Variants in PEBP4 observed in about 807,000 individuals in gnomAD.
PEBP4 encodes the protein phosphatidylethanolamine-binding protein 4.
PEBP4 carries 22 observed loss-of-function variants against 23.9 expected under a neutral mutation model. The ratio of observed to expected loss-of-function variants is 0.92; its 90% confidence interval spans 0.66 to 1.31. The LOEUF is 1.31. Ranked by LOEUF, PEBP4 falls within the 40% of genes most tolerant of loss-of-function variation. The pLI is 0.00. For synonymous variants in PEBP4, 112 were observed against 99.3 expected, an observed-to-expected ratio of 1.13 and a Z score of -0.76; for missense variants, 324 against 281.7, an observed-to-expected ratio of 1.15 and a Z score of -1.07.
intron 3 of PEBP4, among the ~76,000 whole-genome samples, chr8:22,867,497 G>A (rs1585314682): frequency 6.6e-6 from 1 of 152,146 alleles, no homozygotes. Flanking sequence ...TCAGGTTGCG[G>A]AAGGCAGGTC....
intron 4 of PEBP4, among the ~76,000 whole-genome samples, chr8:22,737,294 CAAAA>C (rs11302571): frequency 1.5e-5 from 1 of 65,496 alleles, no homozygotes; most frequent in Non-Finnish European, 3.2e-5. Flanking sequence ...GACTCCGTCT[CAAAA>C]AAAAAAAAAA....
chr8:22,765,825 T>A (rs1459753537), intron 4 of PEBP4, among the ~76,000 whole-genome samples: 2 of 98,926 alleles, frequency 2.0e-5, no homozygotes, highest in Non-Finnish European at 4.3e-5. Flanking sequence ...GATCACCACC[T>A]GTGGATCACC....
intron 3 of PEBP4, among the ~76,000 whole-genome samples, chr8:22,840,248 C>T (rs925090349): frequency 3.3e-5 from 5 of 152,114 alleles, no homozygotes; most frequent in African/African-American, 1.2e-4. Flanking sequence ...GCATCGTGGC[C>T]TAGATTTTCC....
intron 4 of PEBP4, among the ~76,000 whole-genome samples, chr8:22,779,753 G>A (rs142237826): frequency 3.3e-5 from 5 of 152,340 alleles, no homozygotes; most frequent in African/African-American, 1.2e-4. Flanking sequence ...GAGACACTCA[G>A]CAGGGCTTCG....
chr8:22,743,933 C>G (rs756654811), intron 4 of PEBP4, among the ~76,000 whole-genome samples: 1 of 152,170 alleles, frequency 6.6e-6, no homozygotes, highest in East Asian at 1.9e-4. Flanking sequence ...CCTGCTCACT[C>G]GGGGACCAGC....
chr8:22,917,487 C>T (rs747515927), intron 3 of PEBP4, among the ~76,000 whole-genome samples: 7 of 152,170 alleles, frequency 4.6e-5, no homozygotes, highest in Non-Finnish European at 8.8e-5. Context: ...TGTGCCAGCG[C>T]CCCCTGGTGT....
intron 3 of PEBP4, among the ~76,000 whole-genome samples, chr8:22,845,312 T>C (rs1294620641): frequency 6.7e-6 from 1 of 148,984 alleles, no homozygotes; most frequent in Non-Finnish European, 1.5e-5. Flanking sequence ...GGCAGGAGGA[T>C]CACTTGAGCC....
At chr8:22,858,731 GA>G (rs1807707116) in intron 3 of PEBP4, among the ~76,000 whole-genome samples, 1 of 152,192 alleles carries the variant, frequency 6.6e-6, no homozygotes. Flanking sequence ...TGGATCACTT[GA>G]GGCCAGGAGT....
At chr8:22,895,097 TGTATA>T (rs758828669) in intron 3 of PEBP4, among the ~76,000 whole-genome samples, 39 of 152,122 alleles carry the variant, frequency 2.6e-4, no homozygotes, top group Non-Finnish European at 5.0e-4. Flanking sequence ...ATCTGAGAAA[TGTATA>T]GTAAGGTGCT....
intron 4 of PEBP4, among the ~76,000 whole-genome samples, chr8:22,802,487 G>C (rs1411268649): frequency 6.6e-6 from 1 of 152,188 alleles, no homozygotes; most frequent in East Asian, 1.9e-4. Context: ...CTGCTCAAGG[G>C]CCCACTCTGG....
chr8:22,755,386 C>T (rs972872142), intron 4 of PEBP4, among the ~76,000 whole-genome samples: 6 of 147,722 alleles, frequency 4.1e-5, no homozygotes, highest in Admixed American at 6.8e-5. Context: ...CCCAGGCTGC[C>T]GCGCAGTGGC....
At chr8:22,777,925 C>A (rs914465761) in intron 4 of PEBP4, among the ~76,000 whole-genome samples, 1 of 152,154 alleles carries the variant, frequency 6.6e-6, no homozygotes, top group Non-Finnish European at 1.5e-5. Context: ...TTACAGCCCC[C>A]CTCCGCTCTC....
intron 1 of PEBP4, among the ~76,000 whole-genome samples, chr8:22,938,603 G>A (rs1018992839): frequency 6.6e-6 from 1 of 152,174 alleles, no homozygotes; most frequent in Non-Finnish European, 1.5e-5. Context: ...CCAGTACAGT[G>A]CCTGGGACCA....
At chr8:22,783,478 T>G (rs1805969122) in intron 4 of PEBP4, among the ~76,000 whole-genome samples, 1 of 152,188 alleles carries the variant, frequency 6.6e-6, no homozygotes, top group Non-Finnish European at 1.5e-5. Context: ...GCTGCTCCTG[T>G]GCGTACCCAG....
At chr8:22,728,669 T>C (rs1287004381) in intron 4 of PEBP4, among the ~76,000 whole-genome samples, 1 of 151,076 alleles carries the variant, frequency 6.6e-6, no homozygotes, top group Non-Finnish European at 1.5e-5. Context: ...ACGATCTTAG[T>C]TCACTGCAAC....
chr8:22,897,242 T>G (rs1336381325), intron 3 of PEBP4, among the ~76,000 whole-genome samples: 1 of 152,152 alleles, frequency 6.6e-6, no homozygotes, highest in Non-Finnish European at 1.5e-5. Flanking sequence ...ACTCCTATCA[T>G]GCAAAGTCCC....
chr8:22,851,734 G>T (rs1807554738), intron 3 of PEBP4, among the ~76,000 whole-genome samples: 1 of 152,064 alleles, frequency 6.6e-6, no homozygotes, highest in African/African-American at 2.4e-5. Flanking sequence ...TAGTTCCCCA[G>T]AAAGCACAAG....
At chr8:22,774,059 C>G (rs117111049) in intron 4 of PEBP4, among the ~76,000 whole-genome samples, 31 of 152,260 alleles carry the variant, frequency 2.0e-4, no homozygotes, top group Non-Finnish European at 3.5e-4. Context: ...ACCACAGCCT[C>G]CCTCCTGCTG....
chr8:22,723,907 G>C (rs1461334305), intron 6 of PEBP4, among the ~76,000 whole-genome samples: 1 of 152,302 alleles, frequency 6.6e-6, no homozygotes, highest in East Asian at 1.9e-4. Context: ...CGCGGTTGTA[G>C]CAATACCTGT....
Sources: allele counts gnomAD v4.1 joint callset (sites outside exome capture counted in the v4.1 genomes callset), GRCh38; gene constraint gnomAD v4.1.1; transcripts MANE v1.5; gene names NCBI Gene and HGNC (gene_info 2026-07-23, HGNC 2026-07-21).